EFHC2: variants seen among roughly 807,000 people sequenced by gnomAD.
EFHC2 encodes the protein EF-hand domain containing 2, also known as EF-hand domain-containing family member C2.
A neutral mutation model predicts 52.7 loss-of-function variants in EFHC2; 18 were observed. That is an observed-to-expected ratio of 0.34 (90% confidence interval 0.24 to 0.51). EFHC2 has a LOEUF of 0.51. Ranked by LOEUF, EFHC2 falls within the 20% of genes least tolerant of loss-of-function variation. The probability of loss-of-function intolerance (pLI) is 0.97; values close to 1 mark genes in which losing one functional copy is unlikely to be tolerated. For missense variants in EFHC2, 513 were observed against 562.5 expected, an observed-to-expected ratio of 0.91 and a Z score of 0.89; for synonymous variants, 203 against 204.1, an observed-to-expected ratio of 0.99 and a Z score of 0.04.
chrX:44,217,929 T>C (rs2037164051), intron 11 of EFHC2, among the ~76,000 whole-genome samples: 1 of 111,874 alleles, frequency 8.9e-6, no homozygotes, highest in Admixed American at 9.5e-5. Context: ...ATTGCATGCC[T>C]GTATCAAAAC....
intron 1 of EFHC2, among the ~76,000 whole-genome samples, chrX:44,334,039 G>A (rs1457938907): frequency 8.9e-6 from 1 of 111,975 alleles, no homozygotes; most frequent in African/African-American, 3.2e-5. Context: ...ATCAGTCACT[G>A]CCTAAATCTG....
At position 44,250,187 on chromosome X, in the gene EFHC2, T is replaced by C. The variant is rs779390911; in HGVS notation, c.858+7A>G. 4.1e-6 allele frequency: 5 copies of C among 1,208,089 alleles called. No individual in the cohort carries two copies. In the East Asian group the frequency reaches 1.5e-4, roughly 36 times the overall value. On this transcript the variant is annotated splice_region_variant and intron_variant, in intron 5 of 14. Coordinates refer to ENST00000420999, the MANE Select transcript of EFHC2 (RefSeq NM_025184.4). Reference sequence around the variant, plus strand: ...GCAAATTCAAAGTGGTTATATCCACTGCTCACCTTGGGTAGCTTACTCCTC... The same window carrying C: ...GCAAATTCAAAGTGGTTATATCCACCGCTCACCTTGGGTAGCTTACTCCTC...
chrX:44,174,215 C>T (rs1170339406), intron 13 of EFHC2, among the ~76,000 whole-genome samples: 3 of 111,523 alleles, frequency 2.7e-5, no homozygotes, highest in Admixed American at 9.6e-5. Flanking sequence ...GGTACTGTTA[C>T]GTCATTCGAG....
At chrX:44,300,173 G>T (rs753487427) in intron 2 of EFHC2, among the ~76,000 whole-genome samples, 45 of 111,528 alleles carry the variant, frequency 4.0e-4, no homozygotes, top group African/African-American at 1.4e-3. Context: ...TAGATTAAAA[G>T]TTCAGAACAA....
chrX:44,159,822 C>T (rs1160667607), intron 14 of EFHC2, among the ~76,000 whole-genome samples: 3 of 112,840 alleles, frequency 2.7e-5, no homozygotes, highest in Non-Finnish European at 5.6e-5. Context: ...TTAACCTTGG[C>T]AGGGACTGCC....
At chrX:44,213,316 G>A (rs758039797) in intron 11 of EFHC2, among the ~76,000 whole-genome samples, 4 of 111,310 alleles carry the variant, frequency 3.6e-5, no homozygotes, top group Non-Finnish European at 7.5e-5. Flanking sequence ...ACACTATGTC[G>A]ATAAAAAGCG....
intron 14 of EFHC2, among the ~76,000 whole-genome samples, chrX:44,158,631 G>A (rs759457402): frequency 9.0e-6 from 1 of 110,875 alleles, no homozygotes; most frequent in Admixed American, 9.6e-5. Flanking sequence ...CTCCCCAAAC[G>A]TTGGCAATCC....
At chrX:44,303,584 T>C (rs1303497724) in intron 2 of EFHC2, among the ~76,000 whole-genome samples, 1 of 109,003 alleles carries the variant, frequency 9.2e-6, no homozygotes, top group Non-Finnish European at 1.9e-5. Flanking sequence ...TTGCTTAGGG[T>C]ATGTTTTTTC....
chrX:44,220,860 G>A (rs1440409508), intron 11 of EFHC2, among the ~76,000 whole-genome samples: 7 of 111,356 alleles, frequency 6.3e-5, no homozygotes, highest in Admixed American at 2.9e-4. Context: ...TTCTACAAGT[G>A]CAACTACCAG....
chrX:44,194,746 C>T (rs2036948904), intron 11 of EFHC2, among the ~76,000 whole-genome samples: 1 of 111,724 alleles, frequency 9.0e-6, no homozygotes, highest in Non-Finnish European at 1.9e-5. Flanking sequence ...AACTTCCCTG[C>T]CACTTCAGGG....
intron 1 of EFHC2, among the ~76,000 whole-genome samples, chrX:44,329,954 C>A (rs1405668002): frequency 9.2e-6 from 1 of 108,364 alleles, no homozygotes; most frequent in East Asian, 2.9e-4. Flanking sequence ...TAGAAAAAAA[C>A]AACAACATAG....
Position 44,309,689 on chromosome X carries a change from T to G in EFHC2, c.231+2879A>C, listed in dbSNP as rs2037931586. ...AAATCACAGTGTAAACCCTCTTCTC[T>G]GCTAATAAGTTCATTGGAAAACGTG... On this transcript the variant is annotated intron_variant, in intron 2 of 14. Coordinates refer to ENST00000420999, the MANE Select transcript of EFHC2 (RefSeq NM_025184.4). 2.9e-6 allele frequency: 3 copies of G among 1,051,133 alleles called. No individual in the cohort carries two copies. In the Admixed American group the frequency reaches 6.5e-5, roughly 23 times the overall value. The allele number at this position is 1,051,133 out of a possible 1,213,427, so 86.6% of individuals were successfully genotyped here.
intron 3 of EFHC2, among the ~76,000 whole-genome samples, chrX:44,266,783 T>A (rs1232914313): frequency 2.7e-5 from 3 of 111,787 alleles, no homozygotes; most frequent in African/African-American, 9.8e-5. Flanking sequence ...TTATGGGATA[T>A]AATACCTATA....
intron 1 of EFHC2, among the ~76,000 whole-genome samples, chrX:44,339,980 T>C (rs1487689802): frequency 1.8e-5 from 2 of 111,901 alleles, no homozygotes; most frequent in Non-Finnish European, 3.8e-5. Context: ...AAATACTGAT[T>C]TGTTGAATGA....
chrX:44,148,738 G>T lies in EFHC2; in HGVS notation c.*57C>A, dbSNP rs1470035581. 3 of 981,941 alleles carry T rather than the reference G, an allele frequency of 3.1e-6. No homozygotes were observed. In the Admixed American group the frequency reaches 1.0e-4, roughly 33 times the overall value. 80.9% of individuals were successfully genotyped at this position (981,941 alleles called of 1,213,427 possible). On this transcript the variant is annotated 3_prime_UTR_variant, in exon 15 of 15. Transcript: ENST00000420999. ...TTTTAATGAAATTATATCTACTAAA[G>T]TAAATGTGGCAAAATGAGAGAAGTA... is the stretch of plus-strand genomic sequence containing the variant.
At chrX:44,152,284 A>T (rs1175167057) in intron 14 of EFHC2, among the ~76,000 whole-genome samples, 1 of 111,533 alleles carries the variant, frequency 9.0e-6, no homozygotes, top group African/African-American at 3.3e-5. Context: ...AGAAACTGAG[A>T]CACAGAAGGA....
At chrX:44,299,644 G>A (rs1241434652) in intron 2 of EFHC2, among the ~76,000 whole-genome samples, 1 of 111,457 alleles carries the variant, frequency 9.0e-6, no homozygotes, top group African/African-American at 3.3e-5. Flanking sequence ...GCTGTACCCC[G>A]ACCACCTTGG....
chrX:44,233,939 T>C (rs1441787359), intron 9 of EFHC2, among the ~76,000 whole-genome samples: 1 of 111,510 alleles, frequency 9.0e-6, no homozygotes, highest in Non-Finnish European at 1.9e-5. Flanking sequence ...CCTCAAGGAC[T>C]CCCTGTCAAC....
intron 8 of EFHC2, among the ~76,000 whole-genome samples, chrX:44,236,349 G>A (rs915562432): frequency 1.8e-5 from 2 of 111,897 alleles, no homozygotes; most frequent in African/African-American, 6.5e-5. Context: ...CTAGTGAAAG[G>A]TGGACTTTGT....
Sources: gnomAD v4.1 joint callset for allele counts (sites outside exome capture counted in the v4.1 genomes callset) on GRCh38, gnomAD v4.1.1 for gene constraint, MANE v1.5 for transcripts, NCBI Gene and HGNC (gene_info 2026-07-23, HGNC 2026-07-21) for gene names.